The following ETV7 variants were observed in gnomAD, a reference collection of about 807,000 sequenced individuals.
ETV7 encodes the protein ETS variant transcription factor 7.
Under a neutral mutation model 39.1 loss-of-function variants are expected in ETV7, and 43 were observed. That is an observed-to-expected ratio of 1.10 (90% CI 0.86 to 1.42). ETV7 has a LOEUF of 1.42. Among genes scored for constraint, ETV7 ranks in the 40% most tolerant of loss-of-function variants. The probability of loss-of-function intolerance (pLI) is 0.00; values close to 1 mark genes in which losing one functional copy is unlikely to be tolerated. For missense variants in ETV7, 432 were observed against 442.3 expected (o/e 0.98, Z 0.21); for synonymous variants, 196 against 176.6 (o/e 1.11, Z -0.87).
intron 5 of ETV7, among the ~76,000 whole-genome samples, 197 bp downstream of exon 5, chr6:36,371,133 A>G (rs1044181132): frequency 6.6e-6 from 1 of 152,184 alleles, no homozygotes; most frequent in African/African-American, 2.4e-5. Context: ...AGACAGGGTG[A>G]GGCTTGGTGA....
chr6:36,359,981 C>T (rs1772443707), intron 7 of ETV7, among the ~76,000 whole-genome samples: 2 of 152,128 alleles, frequency 1.3e-5, no homozygotes, highest in South Asian at 4.1e-4. Context: ...CTGCCTCCAC[C>T]TCCCGGGTTC....
chr6:36,371,227 A>T, intron 5 of ETV7, 103 bp downstream of exon 5: 3 of 1,135,366 alleles, frequency 2.6e-6, no homozygotes, highest in Non-Finnish European at 3.8e-6. Context: ...CCAGCCACAG[A>T]CCTCCCATCA....
chr6:36,366,895 C>T lies in ETV7; in HGVS notation c.888G>A (p.Pro296=), dbSNP rs2234082. 2,009 of 1,614,062 alleles carry T rather than the reference C, an allele frequency of 1.2e-3. 23 individuals are homozygous for T. In the African/African-American group the frequency reaches 0.022, roughly 17 times the overall value. The change falls in exon 7 of 8, where the codon CCG becomes CCA. Residue 296 remains proline (P), a synonymous_variant. Transcript: ENST00000340181. ...CTCACCTGAACAGGAGTTTCTGCCC[C>T]GGTTCCTTCTTAATGATATTAAGCT... ...YYKLNIIKKE[P]GQKLLFRFLK...
Position 36,371,324 on chromosome 6 carries a change from A to G in ETV7, c.664+6T>C, listed in dbSNP as rs1561906269. 3 of 1,575,204 alleles carry G rather than the reference A, an allele frequency of 1.9e-6. No homozygotes were observed. The highest frequency in any genetic ancestry group is 2.6e-6 in the Non-Finnish European group (3 of 1,159,446). On this transcript the variant is annotated splice_donor_region_variant and intron_variant, in intron 5 of 7. Transcript: ENST00000340181. ...TCCATGGCCAGAGGAACAGCCTCCC[A>G]CTCACCAGCGATCCTGCCGTCAATG...
intron 7 of ETV7, among the ~76,000 whole-genome samples, chr6:36,360,752 A>C (rs1019207183): frequency 5.9e-5 from 9 of 152,166 alleles, no homozygotes; most frequent in African/African-American, 2.2e-4. Flanking sequence ...TTTCCCGTGC[A>C]GTCTCCCTGA....
chr6:36,369,752 G>A (rs763568688), intron 5 of ETV7, among the ~76,000 whole-genome samples: 17 of 152,200 alleles, frequency 1.1e-4, no homozygotes, highest in Admixed American at 2.6e-4. Context: ...TATACTGTAA[G>A]TGCACGAAGA....
At chr6:36,362,417 C>G (rs1390323743), downstream of ETV7, among the ~76,000 whole-genome samples, 1 of 151,994 alleles carries the variant, frequency 6.6e-6, no homozygotes, top group Non-Finnish European at 1.5e-5. Flanking sequence ...GAGCTGAGAT[C>G]ACAACACTGC....
chr6:36,371,248 A>G, intron 5 of ETV7, 82 bp downstream of exon 5: 1 of 1,344,622 alleles, frequency 7.4e-7, no homozygotes, highest in South Asian at 1.3e-5. Flanking sequence ...CCAGGTCAAA[A>G]TAGCCCTGTC....
chr6:36,360,700 G>T (rs999983928), intron 7 of ETV7, among the ~76,000 whole-genome samples: 3 of 152,180 alleles, frequency 2.0e-5, no homozygotes, highest in African/African-American at 7.2e-5. Flanking sequence ...GTTTTAAACT[G>T]CAGGCCTTTC....
At chr6:36,369,159 G>A (rs574948576) in intron 5 of ETV7, 88 bp from the exon 6 acceptor site, 26 of 1,506,792 alleles carry the variant, frequency 1.7e-5, no homozygotes, top group African/African-American at 1.5e-4. Context: ...GAAGCCTCCC[G>A]GCCAGAGCCC....
At chr6:36,377,330 A>T (rs544121122) in intron 2 of ETV7, among the ~76,000 whole-genome samples, 28 of 152,270 alleles carry the variant, frequency 1.8e-4, no homozygotes, top group Non-Finnish European at 3.7e-4. Flanking sequence ...AGCCGGGCAT[A>T]GTGATGCACA....
chr6:36,370,597 G>C (rs1048188189), intron 5 of ETV7, among the ~76,000 whole-genome samples: 17 of 151,838 alleles, frequency 1.1e-4, no homozygotes, highest in African/African-American at 3.9e-4. Flanking sequence ...GTACCTTGGT[G>C]ACAGGATTAT....
intron 2 of ETV7, among the ~76,000 whole-genome samples, chr6:36,382,080 C>A (rs1038206920): frequency 6.6e-6 from 1 of 152,166 alleles, no homozygotes; most frequent in East Asian, 1.9e-4. Context: ...TTCCACCCCA[C>A]CTCTCTGGTG....
chr6:36,387,176 G>C (rs944175072), intron 1 of ETV7, among the ~76,000 whole-genome samples: 1 of 152,194 alleles, frequency 6.6e-6, no homozygotes, highest in Non-Finnish European at 1.5e-5. Context: ...GGCTCCCTGC[G>C]AGAATGCGTT....
chr6:36,367,779 G>T (rs951973094), intron 6 of ETV7, among the ~76,000 whole-genome samples: 1 of 151,964 alleles, frequency 6.6e-6, no homozygotes, highest in African/African-American at 2.4e-5. Context: ...CAGCTCCACC[G>T]CTTGTCAGCT....
rs552578370 is a variant in ETV7 at position 36,354,796 on chromosome 6, G to A, written c.909-109C>T. The A allele has an allele frequency of 2.1e-4, 115 of 554,964 alleles. 1 individual carries two copies. The highest frequency in any genetic ancestry group is 1.5e-3 in the Middle Eastern group (5 of 3,376). 34.4% of individuals were successfully genotyped at this position (554,964 alleles called of 1,614,324 possible). On this transcript the variant is annotated intron_variant, in intron 7 of 7. Transcript: ENST00000339796. ...AACAATCCAGGAACATGTTATATCT[G>A]TCCATTTATTTAGATTTGCTTTAAT...
intron 2 of ETV7, among the ~76,000 whole-genome samples, chr6:36,379,584 G>A (rs1353840757): frequency 2.3e-5 from 3 of 133,308 alleles, no homozygotes; most frequent in Non-Finnish European, 4.8e-5. Context: ...AGAAGAAGAA[G>A]AAAAAGAAGA....
At chr6:36,362,588 T>G (rs1398132787), downstream of ETV7, among the ~76,000 whole-genome samples, 1 of 152,180 alleles carries the variant, frequency 6.6e-6, no homozygotes, top group Non-Finnish European at 1.5e-5. Flanking sequence ...ACAGAGCAGG[T>G]ACTCAATTGA....
Position 36,359,685 on chromosome 6 carries a change from G to C in ETV7, c.909-4998C>G, listed in dbSNP as rs144121648. On this transcript the variant is annotated intron_variant, in intron 7 of 7. Coordinates refer to the ETV7 transcript ENST00000339796. ...ATTGATTTGTTTATTTATCTGTTCT[G>C]GTCACCACAATATTCCTGTTTCTAG... 1.4e-4 allele frequency among the ~76,000 whole-genome samples: 22 copies of C among 152,124 alleles called. No individual in the cohort carries two copies. The East Asian group carries it at 4.2e-3, about 29-fold the overall frequency.
Sources: gnomAD v4.1 joint callset for allele counts (sites outside exome capture counted in the v4.1 genomes callset) on GRCh38, gnomAD v4.1.1 for gene constraint, MANE v1.5 for transcripts, NCBI Gene and HGNC (gene_info 2026-07-23, HGNC 2026-07-21) for gene names.